The following SEPTIN10 variants were observed in gnomAD, a reference collection of about 807,000 sequenced individuals.
SEPTIN10 encodes the protein septin-10.
SEPTIN10 carries 66 observed loss-of-function variants against 54.8 expected under a neutral mutation model. The observed-to-expected ratio is 1.21, with a 90% CI of 0.99 to 1.48. The LOEUF is 1.48. SEPTIN10 is among the 40% of genes most tolerant of loss of function. The pLI, the probability that SEPTIN10 is intolerant of heterozygous loss-of-function variation, is 0.00. For synonymous variants in SEPTIN10, 161 were observed against 181.0 expected, an observed-to-expected ratio of 0.89 and a Z score of 0.89; for missense variants, 620 against 545.6, an observed-to-expected ratio of 1.14 and a Z score of -1.36.
chr2:109,544,537 C>T, intron 10 of SEPTIN10: 1 of 983,256 alleles, frequency 1.0e-6, no homozygotes, highest in Middle Eastern at 5.2e-4. Flanking sequence ...TTGCAAACAA[C>T]AGCAGGGTTC....
intron 9 of SEPTIN10, among the ~76,000 whole-genome samples, chr2:109,548,876 C>A (rs960119471): frequency 6.7e-6 from 1 of 149,012 alleles, no homozygotes; most frequent in African/African-American, 2.5e-5. Flanking sequence ...AAACTCTGGT[C>A]TAATAAAACT....
Position 109,585,181 on chromosome 2 carries a change from T to C in SEPTIN10, c.358A>G (p.Lys120Glu). The C allele has an allele frequency of 6.2e-7, 1 of 1,609,930 alleles. No individual in the cohort carries two copies. The change falls in exon 4 of 11, where the codon AAA becomes GAA. Residue 120 changes from lysine to glutamate, a missense_variant. Coordinates refer to ENST00000397712, the MANE Select transcript of SEPTIN10 (RefSeq NM_144710.5). ...YELQESNVQLKLTIVNTVGFG... is the reference protein window; with the variant it reads ...YELQESNVQLELTIVNTVGFG... The stretch of plus-strand genomic sequence containing the variant: ...CCCACTGTATTCACAATGGTCAATT[T>C]CAATTGAACATTACTTTCCTGGAGT...
At chr2:109,557,129 C>T (rs1235949315) in intron 8 of SEPTIN10, among the ~76,000 whole-genome samples, 1 of 151,680 alleles carries the variant, frequency 6.6e-6, no homozygotes, top group Non-Finnish European at 1.5e-5. Flanking sequence ...ATGTAACAAA[C>T]CAGCACGTTG....
intron 8 of SEPTIN10, among the ~76,000 whole-genome samples, chr2:109,556,536 T>C (rs1460904258): frequency 6.6e-6 from 1 of 152,144 alleles, no homozygotes; most frequent in African/African-American, 2.4e-5. Context: ...TCCTAAACAC[T>C]TGCAGAAACC....
Position 109,564,477 on chromosome 2 carries a change from T to C in SEPTIN10, c.917A>G (p.Asn306Ser), listed in dbSNP as rs779236901. 1 of 1,584,504 alleles carries C rather than the reference T, an allele frequency of 6.3e-7. No homozygotes were observed. Among genetic ancestry groups the C allele is most frequent in the Non-Finnish European group, 8.6e-7 (1 of 1,161,366 alleles). ...VKLREMLICT[N>S]MEDLREQTHT... ...GGTCTGCTCTCGCAGGTCCTCCATA[T>C]TTGTACAAATGAGCATTTCCCGCAG... The change falls in exon 8 of 11, where the codon AAT becomes AGT. Residue 306 changes from asparagine (N) to serine (S), a missense_variant. Asn to Ser is a conservative substitution (Grantham distance 46). Transcript: ENST00000397712.
chr2:109,585,433 C>T (rs1342206123), intron 3 of SEPTIN10, 112 bp from the exon 4 acceptor site: 6 of 897,662 alleles, frequency 6.7e-6, no homozygotes, highest in Middle Eastern at 2.5e-4. Context: ...GGCCAGGGTG[C>T]GCATGAAAGA....
chr2:109,579,528 C>T (rs931839252), intron 4 of SEPTIN10, among the ~76,000 whole-genome samples: 2 of 151,774 alleles, frequency 1.3e-5, no homozygotes, highest in East Asian at 2.0e-4. Flanking sequence ...GGATTACAGG[C>T]GCCTGCCACC....
Position 109,564,456 on chromosome 2 carries a change from T to C in SEPTIN10, c.938A>G (p.Gln313Arg). The change falls in exon 8 of 11, where the codon CAG becomes CGG. Residue 313 changes from glutamine (Q) to arginine (R), a missense_variant. Transcript: ENST00000397712. ...ICTNMEDLRE[Q>R]THTRHYELYR... ...AAGCTCATAGTGCCTGGTATGGGTC[T>C]GCTCTCGCAGGTCCTCCATATTTGT... is the stretch of plus-strand genomic sequence containing the variant. The C allele has an allele frequency of 6.3e-7, 1 of 1,597,358 alleles. No homozygotes were observed. Among genetic ancestry groups the C allele is most frequent in the Non-Finnish European group, 8.6e-7 (1 of 1,169,324 alleles).
intron 5 of SEPTIN10, among the ~76,000 whole-genome samples, chr2:109,574,335 A>G (rs1386424981): frequency 6.6e-6 from 1 of 151,238 alleles, no homozygotes; most frequent in Non-Finnish European, 1.5e-5. Flanking sequence ...AGTCCCAGCT[A>G]CCTGGGAAGC....
chr2:109,575,823 C>A (rs565573397), intron 4 of SEPTIN10, among the ~76,000 whole-genome samples: 23 of 152,308 alleles, frequency 1.5e-4, no homozygotes, highest in Middle Eastern at 3.4e-3. Flanking sequence ...AAATTAAATT[C>A]TTCTATAAAG....
chr2:109,585,650 C>A, intron 3 of SEPTIN10, 71 bp downstream of exon 3: 1 of 1,017,158 alleles, frequency 9.8e-7, no homozygotes, highest in Non-Finnish European at 1.6e-6. Context: ...CATTGTTCTG[C>A]CCATGACAAG....
intron 1 of SEPTIN10, among the ~76,000 whole-genome samples, chr2:109,594,353 C>T (rs898515434): frequency 2.6e-5 from 4 of 152,178 alleles, no homozygotes; most frequent in Non-Finnish European, 5.9e-5. Context: ...AATAGCTCAG[C>T]GCTCTTCCCG....
intron 2 of SEPTIN10, among the ~76,000 whole-genome samples, chr2:109,588,851 A>C (rs1369279817): frequency 3.9e-5 from 1 of 25,580 alleles, no homozygotes; most frequent in Non-Finnish European, 8.7e-5. Context: ...AATTACTATT[A>C]AAAAAAAAAA....
intron 1 of SEPTIN10, among the ~76,000 whole-genome samples, chr2:109,597,804 A>G (rs953418890): frequency 2.0e-5 from 3 of 152,184 alleles, no homozygotes; most frequent in Admixed American, 1.3e-4. Flanking sequence ...CTGGTGCTGC[A>G]CCTTTTTTAA....
chr2:109,582,448 T>C (rs986929899), intron 4 of SEPTIN10, among the ~76,000 whole-genome samples: 16 of 151,994 alleles, frequency 1.1e-4, no homozygotes, highest in African/African-American at 3.9e-4. Flanking sequence ...GCCTCCCGAG[T>C]AGCTGGCAGT....
At chr2:109,613,171 TAAC>T in intron 1 of SEPTIN10, 1 of 1,288,880 alleles carries the variant, frequency 7.8e-7, no homozygotes, top group Non-Finnish European at 1.0e-6. Flanking sequence ...AAAATAGTTG[TAAC>T]CACACTTGGA....
At chr2:109,587,506 A>G (rs1692842700) in intron 2 of SEPTIN10, among the ~76,000 whole-genome samples, 1 of 152,204 alleles carries the variant, frequency 6.6e-6, no homozygotes, top group Non-Finnish European at 1.5e-5. Context: ...AAAACTTTCT[A>G]ATTTTCTAAA....
intron 5 of SEPTIN10, among the ~76,000 whole-genome samples, chr2:109,573,687 T>C (rs1688905950): frequency 6.6e-6 from 1 of 152,240 alleles, no homozygotes. Context: ...GAAAGCTTCA[T>C]TTCGCATACC....
At chr2:109,575,146 G>GA (rs901707368) in intron 4 of SEPTIN10, among the ~76,000 whole-genome samples, 5 of 152,284 alleles carry the variant, frequency 3.3e-5, no homozygotes, top group African/African-American at 1.2e-4. Flanking sequence ...AATTTACACT[G>GA]ATTCATTCTC....
Sources: allele counts gnomAD v4.1 joint callset (sites outside exome capture counted in the v4.1 genomes callset), GRCh38; gene constraint gnomAD v4.1.1; transcripts MANE v1.5; gene names NCBI Gene and HGNC (gene_info 2026-07-23, HGNC 2026-07-21).